Variants in DLGAP2 observed in about 807,000 individuals in gnomAD.
The protein encoded by DLGAP2 is disks large-associated protein 2.
Under a neutral mutation model 100.3 loss-of-function variants are expected in DLGAP2, and 26 were observed. That is an observed-to-expected ratio of 0.26 (90% CI 0.19 to 0.36). DLGAP2 has a LOEUF of 0.36. Ranked by LOEUF, DLGAP2 falls within the 10% of genes least tolerant of loss-of-function variation. The pLI is 1.00. For missense variants in DLGAP2, 1,858 were observed against 1,453.2 expected, an observed-to-expected ratio of 1.28 and a Z score of -4.53; for synonymous variants, 886 against 630.1, an observed-to-expected ratio of 1.41 and a Z score of -6.08.
chr8:1,235,329 A>G (rs1047434270), intron 2 of DLGAP2, among the ~76,000 whole-genome samples: 2 of 149,570 alleles, frequency 1.3e-5, no homozygotes, highest in Admixed American at 1.3e-4. Flanking sequence ...TCTCTCTCAC[A>G]TGGCGCCGTG....
chr8:1,449,185 A>G (rs938611354), intron 3 of DLGAP2, among the ~76,000 whole-genome samples: 22 of 152,186 alleles, frequency 1.4e-4, no homozygotes, highest in African/African-American at 4.6e-4. Context: ...CGCTGACCAC[A>G]CAGCACAGTT....
chr8:1,287,520 T>G (rs1799960708), intron 3 of DLGAP2, among the ~76,000 whole-genome samples: 1 of 69,804 alleles, frequency 1.4e-5, no homozygotes, highest in Non-Finnish European at 2.6e-5. Context: ...GGGAACTAGT[T>G]TTGGTTCAGT....
intron 3 of DLGAP2, among the ~76,000 whole-genome samples, chr8:1,446,685 T>A (rs1358787645): frequency 5.9e-5 from 9 of 152,242 alleles, no homozygotes; most frequent in African/African-American, 2.2e-4. Flanking sequence ...CCTTGGGCAG[T>A]ATGGCCATTT....
intron 3 of DLGAP2, among the ~76,000 whole-genome samples, chr8:1,263,084 A>G (rs1799383560): frequency 6.6e-6 from 1 of 152,216 alleles, no homozygotes; most frequent in Non-Finnish European, 1.5e-5. Flanking sequence ...AAAATCAGCT[A>G]TTAATATTAT....
Position 1,100,033 on chromosome 8 carries a change from C to A in DLGAP2, c.74-158818C>A, listed in dbSNP as rs996964053. Among the ~76,000 whole-genome samples, 3 of 152,346 alleles carry A rather than the reference C, an allele frequency of 2.0e-5. No homozygotes were observed. The South Asian group carries it at 6.2e-4, about 32-fold the overall frequency. ...TGAACAAGTCATAAGTTTTGAATTGCACACTGTTCTTAGTAGTGTAATGAA... is the reference window on the plus strand; with the variant it reads ...TGAACAAGTCATAAGTTTTGAATTGAACACTGTTCTTAGTAGTGTAATGAA... On this transcript the variant is annotated intron_variant, in intron 2 of 14. Transcript: ENST00000637795.
At chr8:1,128,103 G>A (rs754633427) in intron 2 of DLGAP2, among the ~76,000 whole-genome samples, 5 of 151,804 alleles carry the variant, frequency 3.3e-5, no homozygotes, top group Admixed American at 1.3e-4. Context: ...CCTGCTCCCC[G>A]TGTTGTGTTC....
intron 3 of DLGAP2, among the ~76,000 whole-genome samples, chr8:1,477,030 C>A (rs780768166): frequency 2.7e-5 from 4 of 145,774 alleles, no homozygotes; most frequent in Non-Finnish European, 5.9e-5. Flanking sequence ...CAGGTTTATT[C>A]TCAGGTCATT....
chr8:1,585,354 C>T (rs1381899478), intron 6 of DLGAP2, among the ~76,000 whole-genome samples: 3 of 127,012 alleles, frequency 2.4e-5, no homozygotes, highest in Non-Finnish European at 5.4e-5. Context: ...ATCCCAGGTA[C>T]CCAGGTGGCC....
At position 1,623,526 on chromosome 8, in the gene DLGAP2, G is replaced by A. The variant is rs560142631; in HGVS notation, c.1443-3214G>A. Among the ~76,000 whole-genome samples the A allele has an allele frequency of 1.7e-4, 26 of 149,880 alleles. No individual in the cohort carries two copies. The East Asian group carries it at 3.9e-3, about 23-fold the overall frequency. On this transcript the variant is annotated intron_variant, in intron 6 of 14. Coordinates refer to ENST00000637795, the MANE Select transcript of DLGAP2 (RefSeq NM_001346810.2). ...GTGCGTGATGACCTGACACCAGTGC[G>A]TCATGACCTGACACCAGTGCGTGAT...
intron 2 of DLGAP2, among the ~76,000 whole-genome samples, chr8:1,155,743 G>C (rs1182587825): frequency 6.6e-6 from 1 of 152,200 alleles, no homozygotes; most frequent in African/African-American, 2.4e-5. Context: ...CTGCGTCCCT[G>C]GAGCGCGGGG....
intron 2 of DLGAP2, among the ~76,000 whole-genome samples, chr8:1,006,538 C>T (rs1420665029): frequency 2.1e-4 from 18 of 84,684 alleles, no homozygotes; most frequent in African/African-American, 7.0e-4. Flanking sequence ...TCAGGGACAC[C>T]GTGTGTCTCA....
chr8:976,110 A>G (rs974608852), intron 2 of DLGAP2, among the ~76,000 whole-genome samples: 1 of 152,006 alleles, frequency 6.6e-6, no homozygotes, highest in Admixed American at 6.5e-5. Flanking sequence ...AAAAATAAAG[A>G]AATACTTAGG....
Position 1,702,410 on chromosome 8 carries a change from A to T in DLGAP2, c.*1004A>T, listed in dbSNP as rs1799599815. ...CAAAAGTTTGCTTGTTTAAAATGACAGTTGTGATGTAAAAAGTTTAAGAAA... is the reference window on the plus strand; with the variant it reads ...CAAAAGTTTGCTTGTTTAAAATGACTGTTGTGATGTAAAAAGTTTAAGAAA... On this transcript the variant is annotated 3_prime_UTR_variant, in exon 15 of 15. Transcript: ENST00000637795. The T allele has an allele frequency of 6.6e-6, 1 of 152,610 alleles. No homozygotes were observed. The highest frequency in any genetic ancestry group is 2.4e-5 in the African/African-American group (1 of 41,438). The allele number at this position is 152,610 out of a possible 1,614,324, so 9.5% of individuals were successfully genotyped here.
chr8:966,771 A>G (rs1176419734), intron 2 of DLGAP2, among the ~76,000 whole-genome samples: 1 of 152,204 alleles, frequency 6.6e-6, no homozygotes, highest in Non-Finnish European at 1.5e-5. Context: ...CTCTCCTCAC[A>G]TTTCCTACGC....
At chr8:767,599 C>T (rs187749644) in intron 1 of DLGAP2, among the ~76,000 whole-genome samples, 4 of 152,252 alleles carry the variant, frequency 2.6e-5, no homozygotes, top group South Asian at 2.1e-4. Context: ...TCGTGATCCA[C>T]GTGCCTTGGC....
At chr8:964,910 C>G (rs1236183656) in intron 2 of DLGAP2, among the ~76,000 whole-genome samples, 1 of 152,140 alleles carries the variant, frequency 6.6e-6, no homozygotes, top group Non-Finnish European at 1.5e-5. Flanking sequence ...GCTCGCTGAG[C>G]CCGACTTCCA....
intron 1 of DLGAP2, among the ~76,000 whole-genome samples, chr8:887,259 A>C (rs997029004): frequency 6.6e-6 from 1 of 151,334 alleles, no homozygotes; most frequent in Admixed American, 6.6e-5. Context: ...TTGAGCCTAC[A>C]TGTGTCTTTG....
chr8:1,044,155 C>A (rs936390777), intron 2 of DLGAP2, among the ~76,000 whole-genome samples: 6 of 152,154 alleles, frequency 3.9e-5, no homozygotes, highest in African/African-American at 1.4e-4. Flanking sequence ...CATCCCCTTA[C>A]AGCCTGGCAC....
At chr8:1,347,321 T>C (rs1801586646) in intron 3 of DLGAP2, among the ~76,000 whole-genome samples, 1 of 151,880 alleles carries the variant, frequency 6.6e-6, no homozygotes, top group Non-Finnish European at 1.5e-5. Context: ...CCCACAGAGC[T>C]GCATTGCTCT....
Sources: gnomAD v4.1 joint callset for allele counts (sites outside exome capture counted in the v4.1 genomes callset) on GRCh38, gnomAD v4.1.1 for gene constraint, MANE v1.5 for transcripts, NCBI Gene and HGNC (gene_info 2026-07-23, HGNC 2026-07-21) for gene names.